Variants in CSMD1 observed in about 807,000 individuals in gnomAD.
The protein encoded by CSMD1 is CUB and Sushi multiple domains 1, also known as CUB and sushi domain-containing protein 1.
CSMD1 carries 213 observed loss-of-function variants against 417.5 expected under a neutral mutation model. The ratio of observed to expected loss-of-function variants is 0.51; its 90% CI spans 0.46 to 0.57. CSMD1 has a LOEUF of 0.57. Among genes scored for constraint, CSMD1 ranks in the 20% least tolerant of loss-of-function variants. The pLI, the probability that CSMD1 is intolerant of heterozygous loss-of-function variation, is 0.00. For missense variants in CSMD1, 6,923 were observed against 4,529.7 expected (o/e 1.53, Z -15.17); for synonymous variants, 2,862 against 1,736.8 (o/e 1.65, Z -16.11).
At chr8:2,997,613 T>G (rs1334811946) in intron 54 of CSMD1, among the ~76,000 whole-genome samples, 1 of 152,088 alleles carries the variant, frequency 6.6e-6, no homozygotes, top group African/African-American at 2.4e-5. Flanking sequence ...GTGACTACGT[T>G]TAAAGAAATG....
chr8:4,603,187 T>G (rs1800687765), intron 2 of CSMD1, among the ~76,000 whole-genome samples: 2 of 152,020 alleles, frequency 1.3e-5, no homozygotes, highest in Admixed American at 1.3e-4. Flanking sequence ...ATTATGTGCT[T>G]AAAAATACTG....
At chr8:3,348,999 C>T (rs1808207787) in intron 21 of CSMD1, among the ~76,000 whole-genome samples, 1 of 152,174 alleles carries the variant, frequency 6.6e-6, no homozygotes, top group South Asian at 2.1e-4. Context: ...TGCACACACA[C>T]ACAGAGGTTT....
intron 6 of CSMD1, among the ~76,000 whole-genome samples, chr8:3,716,356 TAGAC>T (rs1382282334): frequency 6.6e-6 from 1 of 152,216 alleles, no homozygotes; most frequent in Non-Finnish European, 1.5e-5. Context: ...GGCTACTCCA[TAGAC>T]AGAACAGTCT....
chr8:3,856,256 A>C (rs1804302173), intron 5 of CSMD1, among the ~76,000 whole-genome samples: 1 of 151,870 alleles, frequency 6.6e-6, no homozygotes, highest in Non-Finnish European at 1.5e-5. Flanking sequence ...TCTTCTTCCT[A>C]CTTGGCCCAT....
chr8:4,454,546 G>C (rs148800609), intron 2 of CSMD1, among the ~76,000 whole-genome samples: 10 of 152,250 alleles, frequency 6.6e-5, no homozygotes, highest in African/African-American at 2.4e-4. Context: ...TTCTAATACA[G>C]AGCACCTTTG....
intron 2 of CSMD1, among the ~76,000 whole-genome samples, chr8:4,479,039 G>C (rs536341485): frequency 6.6e-6 from 1 of 152,272 alleles, no homozygotes; most frequent in Admixed American, 6.5e-5. Flanking sequence ...ATAACACAGA[G>C]TATGGCAGGG....
chr8:3,261,746 C>T (rs914167075), intron 26 of CSMD1, among the ~76,000 whole-genome samples: 3 of 152,002 alleles, frequency 2.0e-5, no homozygotes, highest in Non-Finnish European at 4.4e-5. Flanking sequence ...GAGGCCAGTC[C>T]GAGAGACGAC....
chr8:4,841,351 A>G (rs1800824782), intron 1 of CSMD1, among the ~76,000 whole-genome samples: 1 of 152,196 alleles, frequency 6.6e-6, no homozygotes, highest in Admixed American at 6.5e-5. Flanking sequence ...ACTTTATTCT[A>G]CAGTTTGGAA....
chr8:3,152,886 C>G (rs766515748), intron 39 of CSMD1, among the ~76,000 whole-genome samples: 27 of 152,158 alleles, frequency 1.8e-4, no homozygotes, highest in Non-Finnish European at 3.4e-4. Flanking sequence ...ATACATTTAG[C>G]AGTAACACCC....
At chr8:4,887,023 G>A (rs375292964) in intron 1 of CSMD1, among the ~76,000 whole-genome samples, 2 of 151,828 alleles carry the variant, frequency 1.3e-5, no homozygotes, top group East Asian at 1.9e-4. Flanking sequence ...CTTGGTTTGT[G>A]TTAATGTTGA....
At chr8:4,323,807 A>G (rs1485683966) in intron 3 of CSMD1, among the ~76,000 whole-genome samples, 2 of 152,078 alleles carry the variant, frequency 1.3e-5, no homozygotes, top group African/African-American at 4.8e-5. Flanking sequence ...ACCATAAAGG[A>G]TGGGCAGCTC....
At chr8:3,184,733 C>T (rs1214826304) in intron 36 of CSMD1, among the ~76,000 whole-genome samples, 1 of 152,178 alleles carries the variant, frequency 6.6e-6, no homozygotes, top group East Asian at 1.9e-4. Context: ...GAAATTTAAT[C>T]TTTACCATGG....
chr8:4,042,815 T>TAAAAAAAAAAAAAAAAAAAAAAAAAAA (rs60411612), intron 3 of CSMD1, among the ~76,000 whole-genome samples: 4 of 41,312 alleles, frequency 9.7e-5, no homozygotes, highest in South Asian at 1.7e-3. Flanking sequence ...TACAACATAT[T>TAAAAAAAAAAAAAAAAAAAAAAAAAAA]AAAAAAAAAA....
rs182283582 is a variant in CSMD1, at chr8:4,621,677, T to A, written c.302+15665A>T. Among the ~76,000 whole-genome samples, 193 of 152,230 alleles carry A rather than the reference T, an allele frequency of 1.3e-3. 2 individuals are homozygous for A. Among genetic ancestry groups the A allele is most frequent in the African/African-American group, 2.0e-3 (83 of 41,556 alleles). ...GAGAAAACAGTTCTGCTCATTTTTTTAATAATTTACCGTCTCCTGTACAGT... is the reference window on the plus strand; with the variant it reads ...GAGAAAACAGTTCTGCTCATTTTTTAAATAATTTACCGTCTCCTGTACAGT... On this transcript the variant is annotated intron_variant, in intron 2 of 69. Coordinates refer to ENST00000635120, the MANE Select transcript of CSMD1 (RefSeq NM_033225.6).
chr8:3,335,715 TG>T (rs1338495884), intron 23 of CSMD1, among the ~76,000 whole-genome samples: 2 of 152,258 alleles, frequency 1.3e-5, no homozygotes, highest in East Asian at 3.9e-4. Flanking sequence ...ATGGTAACAA[TG>T]GCTTCTGTGT....
At chr8:4,590,883 C>G (rs573406590) in intron 2 of CSMD1, among the ~76,000 whole-genome samples, 4 of 152,302 alleles carry the variant, frequency 2.6e-5, no homozygotes, top group African/African-American at 7.2e-5. Flanking sequence ...CTTGGCAGAA[C>G]TCATCGTACA....
At chr8:3,020,401 C>G (rs111514326) in intron 51 of CSMD1, among the ~76,000 whole-genome samples, 1 of 152,192 alleles carries the variant, frequency 6.6e-6, no homozygotes, top group Non-Finnish European at 1.5e-5. Flanking sequence ...GAGTCTTGCT[C>G]TGTCACTCAG....
At chr8:4,466,335 G>T (rs1254552615) in intron 2 of CSMD1, among the ~76,000 whole-genome samples, 3 of 152,056 alleles carry the variant, frequency 2.0e-5, no homozygotes, top group Non-Finnish European at 4.4e-5. Flanking sequence ...AGAAAGGGAA[G>T]AAAAGTTGAC....
chr8:3,454,307 T>C (rs186432206), intron 12 of CSMD1, among the ~76,000 whole-genome samples: 3 of 152,336 alleles, frequency 2.0e-5, no homozygotes, highest in African/African-American at 7.2e-5. Flanking sequence ...ATTTGGCCCA[T>C]TTACATTTAA....
Sources: allele counts gnomAD v4.1 joint callset (sites outside exome capture counted in the v4.1 genomes callset), GRCh38; gene constraint gnomAD v4.1.1; transcripts MANE v1.5; gene names NCBI Gene and HGNC (gene_info 2026-07-23, HGNC 2026-07-21).